The following SPHKAP variants were observed in gnomAD, a reference collection of about 807,000 sequenced individuals.
The protein encoded by SPHKAP is A-kinase anchor protein SPHKAP.
Under a neutral mutation model 137.5 loss-of-function variants are expected in SPHKAP, and 67 were observed. The ratio of observed to expected loss-of-function variants is 0.49; its 90% CI spans 0.40 to 0.60. The LOEUF (loss-of-function observed/expected upper bound fraction) is 0.60, where lower values mean the gene tolerates loss of function less well. Among genes scored for constraint, SPHKAP ranks in the 20% least tolerant of loss-of-function variants. The pLI, the probability that SPHKAP is intolerant of heterozygous loss-of-function variation, is 0.00. For missense variants in SPHKAP, 2,097 were observed against 2,069.3 expected (o/e 1.01, Z -0.26); for synonymous variants, 813 against 785.3 (o/e 1.04, Z -0.59).
intron 3 of SPHKAP, among the ~76,000 whole-genome samples, chr2:228,097,843 G>A (rs953724851): frequency 3.9e-5 from 6 of 152,238 alleles, no homozygotes; most frequent in South Asian, 2.1e-4. Flanking sequence ...GTAGTATTCC[G>A]TGGTGTATAT....
At position 228,027,611 on chromosome 2, in the gene SPHKAP, G is replaced by A. The variant is rs757676578; in HGVS notation, c.247-68C>T. 2.0e-5 allele frequency: 30 copies of A among 1,503,158 alleles called. 1 individual carries two copies. The highest frequency in any genetic ancestry group is 3.4e-5 in the Admixed American group (2 of 59,246). The allele number at this position is 1,503,158 out of a possible 1,614,324, so 93.1% of individuals were successfully genotyped here. ...TGACTGTCTTTTTAGAAGAAAGAAA[G>A]CAGGAATCAGTTGGGGCAAATGCTT... On this transcript the variant is annotated intron_variant, in intron 3 of 11. Coordinates refer to ENST00000392056, the MANE Select transcript of SPHKAP (RefSeq NM_001142644.2).
chr2:228,092,285 G>A (rs1368256378), intron 3 of SPHKAP, among the ~76,000 whole-genome samples: 16 of 140,808 alleles, frequency 1.1e-4, no homozygotes, highest in African/African-American at 2.4e-4. Context: ...GTGTATGTGC[G>A]TGTATACGTG....
chr2:228,113,887 A>C (rs1698612631), intron 2 of SPHKAP, among the ~76,000 whole-genome samples: 2 of 152,140 alleles, frequency 1.3e-5, no homozygotes. Flanking sequence ...AAAAGAGAAT[A>C]AAAATGCAGA....
chr2:228,063,914 A>C (rs1345102970), intron 3 of SPHKAP, among the ~76,000 whole-genome samples: 1 of 152,204 alleles, frequency 6.6e-6, no homozygotes, highest in Non-Finnish European at 1.5e-5. Flanking sequence ...GTCAATCTTT[A>C]AGTGCTAATA....
intron 1 of SPHKAP, among the ~76,000 whole-genome samples, chr2:228,133,351 T>TA (rs1559191823): frequency 6.1e-5 from 9 of 146,452 alleles, no homozygotes; most frequent in African/African-American, 2.3e-4. Flanking sequence ...ATAAATAAAT[T>TA]ACTTCTACAT....
intron 3 of SPHKAP, among the ~76,000 whole-genome samples, chr2:228,102,801 G>A (rs1174911487): frequency 2.6e-5 from 4 of 152,052 alleles, no homozygotes; most frequent in African/African-American, 4.8e-5. Context: ...GGAGTGCAAT[G>A]GTGTGATTAT....
intron 3 of SPHKAP, among the ~76,000 whole-genome samples, chr2:228,070,687 T>C (rs1245366163): frequency 7.2e-6 from 1 of 139,102 alleles, no homozygotes; most frequent in Admixed American, 7.1e-5. Context: ...TGTCAAGTCA[T>C]CTTTGGGCTC....
intron 7 of SPHKAP, among the ~76,000 whole-genome samples, chr2:228,001,933 T>G (rs1421135440): frequency 6.6e-6 from 1 of 152,204 alleles, no homozygotes; most frequent in Non-Finnish European, 1.5e-5. Context: ...TATTCCATAG[T>G]GTATATGTGC....
chr2:228,032,322 A>C (rs984436065), intron 3 of SPHKAP, among the ~76,000 whole-genome samples: 2 of 152,200 alleles, frequency 1.3e-5, no homozygotes, highest in African/African-American at 4.8e-5. Context: ...CGAGAAGGGA[A>C]GATTAGAGAA....
chr2:228,143,786 G>A (rs1358432486), intron 1 of SPHKAP, among the ~76,000 whole-genome samples: 2 of 150,926 alleles, frequency 1.3e-5, no homozygotes, highest in Admixed American at 6.6e-5. Context: ...GATTACAAGC[G>A]TGAGCCACCA....
intron 3 of SPHKAP, among the ~76,000 whole-genome samples, chr2:228,041,953 G>A (rs955929329): frequency 1.3e-5 from 2 of 151,936 alleles, no homozygotes; most frequent in African/African-American, 2.4e-5. Flanking sequence ...TTTACTAGTC[G>A]GCAGTCTTAA....
At chr2:228,173,691 G>A (rs577058153) in intron 1 of SPHKAP, among the ~76,000 whole-genome samples, 1 of 152,272 alleles carries the variant, frequency 6.6e-6, no homozygotes, top group East Asian at 1.9e-4. Context: ...GCGGCACCTT[G>A]ATTTTATCCC....
chr2:228,127,349 G>A (rs1232092201), intron 2 of SPHKAP, among the ~76,000 whole-genome samples: 1 of 152,140 alleles, frequency 6.6e-6, no homozygotes, highest in East Asian at 1.9e-4. Context: ...ACCATTCAAT[G>A]TTAAATGACT....
At chr2:228,088,981 G>C (rs1697629256) in intron 3 of SPHKAP, among the ~76,000 whole-genome samples, 1 of 152,174 alleles carries the variant, frequency 6.6e-6, no homozygotes, top group South Asian at 2.1e-4. Flanking sequence ...CTAAGGAGTG[G>C]GGCATTGCTA....
At chr2:228,088,228 TATA>T (rs1697602845) in intron 3 of SPHKAP, among the ~76,000 whole-genome samples, 1 of 152,258 alleles carries the variant, frequency 6.6e-6, no homozygotes, top group East Asian at 1.9e-4. Context: ...GGCATAAAAT[TATA>T]ATAATGTACT....
chr2:228,085,890 T>C (rs1217197769), intron 3 of SPHKAP, among the ~76,000 whole-genome samples: 1 of 152,156 alleles, frequency 6.6e-6, no homozygotes, highest in African/African-American at 2.4e-5. Context: ...TTCTTCCTCA[T>C]TGACATTAGA....
intron 3 of SPHKAP, among the ~76,000 whole-genome samples, chr2:228,055,406 CT>C (rs1426449448): frequency 1.3e-5 from 2 of 152,082 alleles, no homozygotes; most frequent in East Asian, 3.8e-4. Flanking sequence ...GCATCACCAC[CT>C]TTTCCCCCCT....
intron 3 of SPHKAP, among the ~76,000 whole-genome samples, chr2:228,030,238 G>A (rs62202710): frequency 0.013 from 1,957 of 152,018 alleles, 16 homozygotes; most frequent in Non-Finnish European, 0.019. Context: ...AATAACGGCC[G>A]CGTACGGTGG....
rs1694752266 is a variant in SPHKAP at position 228,019,527 on chromosome 2, A to C, written c.1327T>G (p.Ser443Ala). The change falls in exon 7 of 12, where the codon TCA (serine) becomes GCA (alanine). Residue 443 changes from serine to alanine, a missense_variant. By Grantham distance (99) the Ser-to-Ala change is moderately conservative. Coordinates refer to ENST00000392056, the MANE Select transcript of SPHKAP (RefSeq NM_001142644.2). ...ACGATTTTGGGGAGCTCATTCCATG[A>C]CCGAGAAACCACTGTATCTTTTGTG... Reference protein sequence around the residue: ...YSTKDTVVSRSWNELPKIVVV... With the variant: ...YSTKDTVVSRAWNELPKIVVV... The C allele has an allele frequency of 6.2e-7, 1 of 1,614,214 alleles. No homozygotes were observed. Among genetic ancestry groups the C allele is most frequent in the Middle Eastern group, 1.6e-4 (1 of 6,062 alleles).
Sources: gnomAD v4.1 joint callset for allele counts (sites outside exome capture counted in the v4.1 genomes callset) on GRCh38, gnomAD v4.1.1 for gene constraint, MANE v1.5 for transcripts, NCBI Gene and HGNC (gene_info 2026-07-23, HGNC 2026-07-21) for gene names.